LYZL2: variants seen among roughly 807,000 people sequenced by gnomAD.
The protein encoded by LYZL2 is lysozyme like 2.
A neutral mutation model predicts 17.1 loss-of-function variants in LYZL2; 13 were observed. The ratio of observed to expected loss-of-function variants is 0.76; its 90% CI spans 0.49 to 1.21. The LOEUF (loss-of-function observed/expected upper bound fraction) is 1.21, where lower values mean the gene tolerates loss of function less well. Ranked by LOEUF, LYZL2 falls within the 50% of genes most tolerant of loss-of-function variation. The probability of loss-of-function intolerance (pLI) is 0.00; values close to 1 mark genes in which losing one functional copy is unlikely to be tolerated. For synonymous variants in LYZL2, 63 were observed against 74.4 expected (o/e 0.85, Z 0.79); for missense variants, 166 against 189.2 (o/e 0.88, Z 0.72).
chr10:30,628,983 C>T (rs1181172844), intron 1 of LYZL2, among the ~76,000 whole-genome samples: 2 of 152,178 alleles, frequency 1.3e-5, no homozygotes, highest in Admixed American at 6.5e-5. Flanking sequence ...GTGTTAGAGG[C>T]TGTATAGACC....
intron 3 of LYZL2, among the ~76,000 whole-genome samples, chr10:30,618,951 A>G (rs1175836992): frequency 6.6e-6 from 1 of 152,258 alleles, no homozygotes; most frequent in Non-Finnish European, 1.5e-5. Flanking sequence ...AATATCCAGA[A>G]TCTACAAAGA....
At position 30,618,123 on chromosome 10, in the gene LYZL2, G is replaced by A. The variant is rs577026615; in HGVS notation, c.299-5223C>T. ...CCTAGGAATCCAACTTACAAGGGAC[G>A]TGAAGGACCTCTTCAAGGAGAACTA... On this transcript the variant is annotated intron_variant, in intron 3 of 4. Coordinates refer to ENST00000647634, the MANE Select transcript of LYZL2 (RefSeq NM_183058.3). Among the ~76,000 whole-genome samples, 688 of 151,922 alleles carry A rather than the reference G, an allele frequency of 4.5e-3. 7 individuals carry two copies. The highest frequency in any genetic ancestry group is 0.016 in the African/African-American group (664 of 41,410).
intron 3 of LYZL2, among the ~76,000 whole-genome samples, chr10:30,621,240 G>T (rs1838613917): frequency 6.6e-6 from 1 of 152,022 alleles, no homozygotes; most frequent in African/African-American, 2.4e-5. Flanking sequence ...GGAAATCACT[G>T]GTTTCCCATC....
Position 30,626,102 on chromosome 10 carries a change from C to A in LYZL2, c.298+3G>T, listed in dbSNP as rs200469020. 258 of 1,613,186 alleles carry A rather than the reference C, an allele frequency of 1.6e-4. 3 individuals are homozygous for A. In the Middle Eastern group the frequency reaches 4.1e-3, roughly 26 times the overall value. On this transcript the variant is annotated splice_donor_region_variant and intron_variant, in intron 3 of 4. Coordinates refer to ENST00000647634, the MANE Select transcript of LYZL2 (RefSeq NM_183058.3). ...TGGCATCACTGGAAAGTCAGAGCCT[C>A]ACCTGAGCAGGCGACGTGGCAGTGG...
chr10:30,622,120 A>G lies in LYZL2; in HGVS notation c.298+3985T>C, dbSNP rs147911748. Among the ~76,000 whole-genome samples, 337 of 152,348 alleles carry G rather than the reference A, an allele frequency of 2.2e-3. 4 individuals carry two copies. Among genetic ancestry groups the G allele is most frequent in the African/African-American group, 7.9e-3 (327 of 41,578 alleles). ...TAACAACTAAAAACAAAATAGAAGT[A>G]TAGCTAACAAACCAATGGAGGAAAT... is the stretch of plus-strand genomic sequence containing the variant. On this transcript the variant is annotated intron_variant, in intron 3 of 4. Coordinates refer to ENST00000647634, the MANE Select transcript of LYZL2 (RefSeq NM_183058.3).
At chr10:30,619,084 C>G (rs557188513) in intron 3 of LYZL2, among the ~76,000 whole-genome samples, 1 of 152,352 alleles carries the variant, frequency 6.6e-6, no homozygotes, top group East Asian at 1.9e-4. Context: ...AAATGCTCAT[C>G]ATCACTGGCC....
At chr10:30,628,571 G>C (rs1215916940) in intron 1 of LYZL2, among the ~76,000 whole-genome samples, 6 of 152,182 alleles carry the variant, frequency 3.9e-5, no homozygotes, top group African/African-American at 4.8e-5. Flanking sequence ...GCTGGGATGG[G>C]GTGAAGTGAA....
chr10:30,622,304 T>C (rs1038851055), intron 3 of LYZL2, among the ~76,000 whole-genome samples: 2 of 152,272 alleles, frequency 1.3e-5, no homozygotes, highest in East Asian at 3.9e-4. Context: ...CCCAGCACTT[T>C]GGGAGGCCAA....
intron 3 of LYZL2, among the ~76,000 whole-genome samples, chr10:30,622,606 C>T (rs1417050279): frequency 6.6e-6 from 1 of 151,972 alleles, no homozygotes; most frequent in African/African-American, 2.4e-5. Flanking sequence ...TCAGTAATCA[C>T]ATTAAATGCA....
chr10:30,627,675 G>C (rs1227463115), intron 1 of LYZL2, among the ~76,000 whole-genome samples: 4 of 152,120 alleles, frequency 2.6e-5, no homozygotes, highest in Admixed American at 2.0e-4. Context: ...TATTGGTAAG[G>C]CTTCCAGTCA....
intron 4 of LYZL2, 144 bp downstream of exon 4, chr10:30,612,678 A>G (rs1838462720): frequency 3.1e-6 from 2 of 635,058 alleles, no homozygotes; most frequent in East Asian, 5.5e-5. Context: ...CCACACACTG[A>G]TGGAGGAGAA....
chr10:30,627,432 AG>A (rs1484450848), intron 1 of LYZL2, among the ~76,000 whole-genome samples: 4 of 151,810 alleles, frequency 2.6e-5, no homozygotes, highest in African/African-American at 9.7e-5. Context: ...CTCAGTGTGA[AG>A]ACCACCAGGA....
intron 3 of LYZL2, among the ~76,000 whole-genome samples, chr10:30,616,747 C>G (rs16931785): frequency 6.6e-6 from 1 of 152,130 alleles, no homozygotes; most frequent in African/African-American, 2.4e-5. Context: ...AGTTAATGAG[C>G]CTGTATTCCG....
intron 3 of LYZL2, among the ~76,000 whole-genome samples, chr10:30,617,697 AAG>A (rs1838556178): frequency 3.5e-5 from 5 of 143,572 alleles, no homozygotes; most frequent in African/African-American, 5.1e-5. Context: ...AAAAAAAAAA[AAG>A]AAAAGAAAAA....
intron 3 of LYZL2, among the ~76,000 whole-genome samples, chr10:30,618,593 T>G (rs1313389205): frequency 6.6e-6 from 1 of 152,220 alleles, no homozygotes. Context: ...CTCTATTTAA[T>G]AAATGGTGCT....
chr10:30,611,562 G>GAAA (rs1564405809), downstream of LYZL2, among the ~76,000 whole-genome samples: 88 of 83,770 alleles, frequency 1.1e-3, 1 homozygote, highest in East Asian at 8.2e-3. Context: ...AAGGAAGGAA[G>GAAA]GAAGGAAGGA....
At chr10:30,611,250 G>A (rs1009685241), downstream of LYZL2, among the ~76,000 whole-genome samples, 1 of 151,784 alleles carries the variant, frequency 6.6e-6, no homozygotes, top group East Asian at 1.9e-4. Context: ...GGTGGGGTGC[G>A]ATGGCTCACA....
downstream of LYZL2, among the ~76,000 whole-genome samples, chr10:30,611,530 A>AGAAGGAAG (rs762109748): frequency 0.014 from 1,129 of 80,374 alleles, 32 homozygotes; most frequent in Middle Eastern, 0.017. Context: ...GGAAAAAGAA[A>AGAAGGAAG]GAAGGAAGGA....
downstream of LYZL2, among the ~76,000 whole-genome samples, chr10:30,609,034 C>T: frequency 6.6e-6 from 1 of 152,108 alleles, no homozygotes; most frequent in Admixed American, 6.6e-5. Flanking sequence ...GAGATGGGGT[C>T]TCATTGTGCT....
Sources: allele counts gnomAD v4.1 joint callset (sites outside exome capture counted in the v4.1 genomes callset), GRCh38; gene constraint gnomAD v4.1.1; transcripts MANE v1.5; gene names NCBI Gene and HGNC (gene_info 2026-07-23, HGNC 2026-07-21).